NOP14: variants seen among roughly 807,000 people sequenced by gnomAD.
NOP14 encodes nucleolar protein 14.
A neutral mutation model predicts 101.6 loss-of-function variants in NOP14; 57 were observed. That is an observed-to-expected ratio of 0.56 (90% CI 0.45 to 0.70). NOP14 has a LOEUF of 0.70. Ranked by LOEUF, NOP14 falls within the 30% of genes least tolerant of loss-of-function variation. NOP14 has a pLI of 0.00. For missense variants in NOP14, 1,134 were observed against 1,075.5 expected (o/e 1.05, Z -0.76); for synonymous variants, 428 against 424.0 (o/e 1.01, Z -0.12).
intron 5 of NOP14, among the ~76,000 whole-genome samples, chr4:2,952,844 G>A (rs1373897498): frequency 1.3e-5 from 2 of 152,264 alleles, no homozygotes; most frequent in Non-Finnish European, 2.9e-5. Context: ...CCGGGAGGCT[G>A]AGGCAAGAGA....
At chr4:2,963,002 G>A (rs1323006852) in intron 1 of NOP14, 123 bp downstream of exon 1, 1 of 975,166 alleles carries the variant, frequency 1.0e-6, no homozygotes, top group Middle Eastern at 2.9e-4. Flanking sequence ...AGTCAGTGCC[G>A]TGTGCCTGTC....
intron 1 of NOP14, among the ~76,000 whole-genome samples, chr4:2,960,920 CGA>C (rs1715770354): frequency 1.5e-5 from 1 of 66,554 alleles, no homozygotes; most frequent in Non-Finnish European, 3.0e-5. Flanking sequence ...AATATTATAT[CGA>C]TATTATTTTA....
chr4:2,954,203 T>C (rs1379681938), intron 4 of NOP14, among the ~76,000 whole-genome samples: 1 of 152,020 alleles, frequency 6.6e-6, no homozygotes. Flanking sequence ...CGTCTCAAAA[T>C]AAAACAAAAC....
At position 2,938,417 on chromosome 4, in the gene NOP14, G is replaced by C; in HGVS notation, c.*414C>G. ...TGTCTGTAATCCCAGCTACTCGGGA[G>C]GCTGAGGCAGGAGAATCGCTTGAAC... is the stretch of plus-strand genomic sequence containing the variant. On this transcript the variant is annotated 3_prime_UTR_variant, in exon 18 of 18. Transcript: ENST00000416614. 2 of 360,450 alleles carry C rather than the reference G, an allele frequency of 5.5e-6. No homozygotes were observed. The highest frequency in any genetic ancestry group is 3.7e-5 in the Admixed American group (1 of 26,934). The allele number at this position is 360,450 out of a possible 1,614,324, so 22.3% of individuals were successfully genotyped here.
rs1352844384 is a variant in NOP14 at position 2,944,192 on chromosome 4, C to A, written c.1772G>T (p.Gly591Val). Residue 591 changes from glycine (G) to valine (V), a missense_variant, in exon 13 of 18, where the codon GGC (glycine) becomes GTC (valine). By Grantham distance (109) the Gly-to-Val change is moderately radical. Coordinates refer to ENST00000416614, the MANE Select transcript of NOP14 (RefSeq NM_001291978.2). The stretch of plus-strand genomic sequence containing the variant: ...CAGGAACAGGCAGCACACGAACAGG[C>A]CCTTCACCACGTCCTGGAGGGACAG... ...PILSLQDVVKGLFVCCLFLEY... is the reference protein window; with the variant it reads ...PILSLQDVVKVLFVCCLFLEY... 1 of 1,614,032 alleles carries A rather than the reference C, an allele frequency of 6.2e-7. No individual in the cohort carries two copies.
chr4:2,950,012 T>G lies in NOP14; in HGVS notation c.1204A>C (p.Thr402Pro), dbSNP rs1326637989. ...NEKPAKEQRQTPGKGLISGKE... is the reference protein window; with the variant it reads ...NEKPAKEQRQPPGKGLISGKE... ...CCGCTTATCAACCCTTTCCCAGGAG[T>G]CTGCCTCTGCTCTTTTGCTGGCTTC... The change falls in exon 8 of 18, where the codon ACT becomes CCT. Residue 402 changes from threonine (T) to proline (P), a missense_variant. Coordinates refer to ENST00000416614, the MANE Select transcript of NOP14 (RefSeq NM_001291978.2). 22 of 1,614,026 alleles carry G rather than the reference T, an allele frequency of 1.4e-5. No individual in the cohort carries two copies. Among genetic ancestry groups the G allele is most frequent in the Non-Finnish European group, 1.9e-5 (22 of 1,179,992 alleles).
chr4:2,952,618 C>T (rs1218068276), intron 5 of NOP14, among the ~76,000 whole-genome samples: 1 of 152,010 alleles, frequency 6.6e-6, no homozygotes, highest in Non-Finnish European at 1.5e-5. Context: ...ATTTGTTTAC[C>T]CCTAGAAAAA....
chr4:2,946,264 C>T (rs1402430252), intron 11 of NOP14, 148 bp downstream of exon 11: 2 of 821,330 alleles, frequency 2.4e-6, no homozygotes, highest in Admixed American at 4.6e-5. Context: ...CACTCTCACT[C>T]CAGATCACCC....
chr4:2,949,056 G>A (rs1408535138), intron 8 of NOP14, among the ~76,000 whole-genome samples: 1 of 152,208 alleles, frequency 6.6e-6, no homozygotes, highest in African/African-American at 2.4e-5. Flanking sequence ...GGACCTGGAA[G>A]GAGCCACTGT....
chr4:2,939,799 G>T (rs562351382), intron 15 of NOP14, among the ~76,000 whole-genome samples, 154 bp from the exon 16 acceptor site: 3 of 147,920 alleles, frequency 2.0e-5, no homozygotes, highest in Non-Finnish European at 1.5e-5. Flanking sequence ...ACCGGTGGGC[G>T]GGGGGGTAAG....
intron 12 of NOP14, 92 bp downstream of exon 12, chr4:2,945,036 C>G: frequency 3.5e-6 from 3 of 860,230 alleles, no homozygotes; most frequent in African/African-American, 1.7e-5. Flanking sequence ...CTTAAACAGC[C>G]ACACTCATGT....
intron 1 of NOP14, among the ~76,000 whole-genome samples, chr4:2,958,199 T>G (rs1050025813): frequency 6.6e-5 from 10 of 152,170 alleles, no homozygotes; most frequent in African/African-American, 2.4e-4. Context: ...AATAAACAAG[T>G]TAGCGAGGTC....
At chr4:2,954,662 G>A in intron 3 of NOP14, 99 bp from the exon 4 acceptor site, 1 of 1,415,276 alleles carries the variant, frequency 7.1e-7, no homozygotes, top group Non-Finnish European at 9.4e-7. Flanking sequence ...TAGTGGTCTG[G>A]AAAAGTCCAC....
intron 7 of NOP14, chr4:2,950,907 CAAGT>C (rs1396027667): frequency 2.0e-6 from 1 of 490,302 alleles, no homozygotes; most frequent in Non-Finnish European, 3.6e-6. Flanking sequence ...AGAGCGTGAG[CAAGT>C]GAGTGCACAT....
Position 2,960,726 on chromosome 4 carries a change from A to G in NOP14, c.195+2399T>C, listed in dbSNP as rs1189431591. ...ATATTAATATATTAATATTATAATCACATTAATATTAATATATTAATATTA... is the reference window on the plus strand; with the variant it reads ...ATATTAATATATTAATATTATAATCGCATTAATATTAATATATTAATATTA... On this transcript the variant is annotated intron_variant, in intron 1 of 17. Transcript: ENST00000416614. Among the ~76,000 whole-genome samples the G allele has an allele frequency of 4.2e-3, 562 of 132,328 alleles. 12 individuals are homozygous for G. The highest frequency in any genetic ancestry group is 0.015 in the African/African-American group (539 of 35,082). 86.8% of individuals were successfully genotyped at this position (132,328 alleles called of 152,430 possible).
intron 1 of NOP14, among the ~76,000 whole-genome samples, chr4:2,961,198 T>TAATAA (rs1553864831): frequency 1.4e-4 from 5 of 34,902 alleles, no homozygotes; most frequent in Non-Finnish European, 2.7e-4. Context: ...TATGCTAATA[T>TAATAA]TATAATAATA....
Position 2,944,216 on chromosome 4 carries a change from A to G in NOP14, c.1748T>C (p.Leu583Pro), listed in dbSNP as rs762863091. 4.3e-6 allele frequency: 7 copies of G among 1,612,022 alleles called. No homozygotes were observed. The East Asian group carries it at 8.9e-5, about 21-fold the overall frequency. ...GCCCTTCACCACGTCCTGGAGGGAC[A>G]GGATGGGGCACTGGAAAGGAACATA... ...LSQLLTKCPI[L>P]SLQDVVKGLF... The change falls in exon 13 of 18, where the codon CTG becomes CCG. Residue 583 changes from leucine to proline, a missense_variant. Transcript: ENST00000416614.
chr4:2,960,635 CTATATTATTAATATAGTTACTA>C (rs1433751301), intron 1 of NOP14, among the ~76,000 whole-genome samples: 1 of 147,408 alleles, frequency 6.8e-6, no homozygotes, highest in Non-Finnish European at 1.5e-5. Flanking sequence ...GGACCAGTAA[CTATATTATTAATATAGTTACTA>C]TATATTATTA....
At position 2,939,515 on chromosome 4, in the gene NOP14, G is replaced by T; in HGVS notation, c.2318+12C>A. 1 of 1,611,102 alleles carries T rather than the reference G, an allele frequency of 6.2e-7. No homozygotes were observed. The highest frequency in any genetic ancestry group is 8.5e-7 in the Non-Finnish European group (1 of 1,177,596). On this transcript the variant is annotated intron_variant, in intron 16 of 17. Coordinates refer to ENST00000416614, the MANE Select transcript of NOP14 (RefSeq NM_001291978.2). ...AGCCCTGGCCTCCCAGGGAGATGCT[G>T]CCAGCACCCACACTTTGACCAGCCG...
Sources: allele counts gnomAD v4.1 joint callset (sites outside exome capture counted in the v4.1 genomes callset), GRCh38; gene constraint gnomAD v4.1.1; transcripts MANE v1.5; gene names NCBI Gene and HGNC (gene_info 2026-07-23, HGNC 2026-07-21).